PHF3: variants seen among roughly 807,000 people sequenced by gnomAD.
The protein encoded by PHF3 is PHD finger protein 3.
Under a neutral mutation model 178.4 loss-of-function variants are expected in PHF3, and 41 were observed. That is an observed-to-expected ratio of 0.23 (90% CI 0.18 to 0.30). The LOEUF (loss-of-function observed/expected upper bound fraction) is 0.30, where lower values mean the gene tolerates loss of function less well. PHF3 is among the 10% of genes least tolerant of loss of function. The probability of loss-of-function intolerance (pLI) is 1.00; values close to 1 mark genes in which losing one functional copy is unlikely to be tolerated. For synonymous variants in PHF3, 842 were observed against 800.5 expected (o/e 1.05, Z -0.88); for missense variants, 2,346 against 2,398.1 (o/e 0.98, Z 0.45).
At position 63,713,784 on chromosome 6, in the gene PHF3, C is replaced by CT; in HGVS notation, c.*77dup. 8.1e-7 allele frequency: 1 copy of CT among 1,241,000 alleles called. No individual in the cohort carries two copies. The highest frequency in any genetic ancestry group is 1.5e-5 in the African/African-American group (1 of 65,448). 76.9% of individuals were successfully genotyped at this position (1,241,000 alleles called of 1,614,324 possible). A position where few individuals can be genotyped will look rare whatever the true frequency, so the allele number is the denominator to read the frequency against. On this transcript the variant is annotated 3_prime_UTR_variant, in exon 16 of 16. Transcript: ENST00000262043. ...ATCTTGTAAACAAAAGAAAGATTGCCTGCTAGGATTGTGCCATCTTTAAAA... is the reference window on the plus strand; with the variant it reads ...ATCTTGTAAACAAAAGAAAGATTGCCTTGCTAGGATTGTGCCATCTTTAAAA...
At chr6:63,698,123 A>G in intron 6 of PHF3, 100 bp from the exon 7 acceptor site, 1 of 916,726 alleles carries the variant, frequency 1.1e-6, no homozygotes, top group Non-Finnish European at 1.6e-6. Context: ...CTTATTTCTA[A>G]ATAGTGACTT....
chr6:63,656,619 G>A (rs977834588), intron 2 of PHF3, among the ~76,000 whole-genome samples: 1 of 152,084 alleles, frequency 6.6e-6, no homozygotes, highest in Non-Finnish European at 1.5e-5. Context: ...TCATTTTCTA[G>A]GCATGTTATA....
At chr6:63,687,424 A>T (rs1766762238) in intron 4 of PHF3, among the ~76,000 whole-genome samples, 1 of 152,226 alleles carries the variant, frequency 6.6e-6, no homozygotes, top group Non-Finnish European at 1.5e-5. Context: ...TGTCTCCATA[A>T]ATAAATGAAC....
Position 63,721,475 on chromosome 6 carries a change from G to A in PHF3, c.*7767G>A, listed in dbSNP as rs766969858. 3.2e-6 allele frequency: 5 copies of A among 1,551,340 alleles called. No homozygotes were observed. Among genetic ancestry groups the A allele is most frequent in the African/African-American group, 2.7e-5 (2 of 73,000 alleles). ...TTAATTGTAATTCTTGATTATTTATGATAACTTGTCGGATACAGCCTTGAA... is the reference window on the plus strand; with the variant it reads ...TTAATTGTAATTCTTGATTATTTATAATAACTTGTCGGATACAGCCTTGAA... On this transcript the variant is annotated 3_prime_UTR_variant, in exon 16 of 16. Coordinates refer to ENST00000262043, the MANE Select transcript of PHF3 (RefSeq NM_001370348.2).
chr6:63,645,577 G>A (rs1346309884), intron 1 of PHF3, among the ~76,000 whole-genome samples: 1 of 152,108 alleles, frequency 6.6e-6, no homozygotes, highest in African/African-American at 2.4e-5. Flanking sequence ...AGGAGCCCAG[G>A]ATGTTATAGG....
chr6:63,702,666 A>G (rs1316917655), intron 10 of PHF3, 27 bp downstream of exon 10: 10 of 1,572,710 alleles, frequency 6.4e-6, no homozygotes, highest in Non-Finnish European at 8.6e-6. Flanking sequence ...CATGTTTTAT[A>G]GCTCAAAACA....
At position 63,702,812 on chromosome 6, in the gene PHF3, G is replaced by A. The variant is rs1767530605; in HGVS notation, c.3231+173G>A. Among the ~76,000 whole-genome samples the A allele has an allele frequency of 2.0e-5, 3 of 152,190 alleles. No individual in the cohort carries two copies. The South Asian group carries it at 6.2e-4, about 32-fold the overall frequency. ...AGTGTTGAGTAATGTCTCTCAAATT[G>A]CATTATAGGTACCTGTTGAACAGTT... On this transcript the variant is annotated intron_variant, in intron 10 of 15. Transcript: ENST00000262043.
chr6:63,702,660 T>G, intron 10 of PHF3, 21 bp downstream of exon 10: 2 of 1,589,162 alleles, frequency 1.3e-6, no homozygotes, highest in Non-Finnish European at 1.7e-6. Flanking sequence ...ATATGCCATG[T>G]TTTATAGCTC....
intron 1 of PHF3, among the ~76,000 whole-genome samples, chr6:63,638,649 C>A (rs534181434): frequency 5.5e-4 from 83 of 152,180 alleles, no homozygotes; most frequent in Non-Finnish European, 7.2e-4. Flanking sequence ...TTTTATTCAT[C>A]CACATTTCAA....
intron 2 of PHF3, among the ~76,000 whole-genome samples, chr6:63,664,623 T>C (rs1215950001): frequency 2.0e-5 from 3 of 152,172 alleles, no homozygotes; most frequent in Middle Eastern, 6.4e-3. Flanking sequence ...ATAAAATATT[T>C]ATACTTTTCA....
At chr6:63,664,929 T>C (rs1765618813) in intron 2 of PHF3, among the ~76,000 whole-genome samples, 2 of 152,108 alleles carry the variant, frequency 1.3e-5, no homozygotes, top group Non-Finnish European at 2.9e-5. Context: ...AGAAAAGCTT[T>C]TATTTTAGTT....
Position 63,646,802 on chromosome 6 carries a change from CTTACTT to C in PHF3, c.244+10_244+15del. On this transcript the variant is annotated splice_region_variant and intron_variant, in intron 2 of 15. Coordinates refer to ENST00000262043, the MANE Select transcript of PHF3 (RefSeq NM_001370348.2). ...CAGATGCCTTGTTCAACAGGTAATT[CTTACTT>C]TTTTTTTTTTTTTTTTTTTTAGTCT... 2 of 956,566 alleles carry C rather than the reference CTTACTT, an allele frequency of 2.1e-6. No individual in the cohort carries two copies. Among genetic ancestry groups the C allele is most frequent in the South Asian group, 3.7e-5 (1 of 27,110 alleles). The allele number at this position is 956,566 out of a possible 1,614,324, so 59.3% of individuals were successfully genotyped here. A position where few individuals can be genotyped will look rare whatever the true frequency, so the allele number is the denominator to read the frequency against.
chr6:63,646,356 C>T (rs1046991359), intron 1 of PHF3, among the ~76,000 whole-genome samples, 171 bp from the exon 2 acceptor site: 3 of 151,854 alleles, frequency 2.0e-5, no homozygotes, highest in Middle Eastern at 3.4e-3. Context: ...AAGATTCGTT[C>T]TACATTTCCA....
rs142252152 is a variant in PHF3, at chr6:63,702,688, A to T, written c.3231+49A>T. On this transcript the variant is annotated intron_variant, in intron 10 of 15. Coordinates refer to ENST00000262043, the MANE Select transcript of PHF3 (RefSeq NM_001370348.2). Reference sequence around the variant, plus strand: ...TATAGCTCAAAACATGAAGATTCAGAAAAGGTTTATTTGCCTAATGTTTTT... The same window carrying T: ...TATAGCTCAAAACATGAAGATTCAGTAAAGGTTTATTTGCCTAATGTTTTT... 898 of 1,534,322 alleles carry T rather than the reference A, an allele frequency of 5.9e-4. 7 individuals are homozygous for T. The African/African-American group carries it at 0.01, about 17-fold the overall frequency.
chr6:63,698,086 A>G (rs1240625897), intron 6 of PHF3, 137 bp from the exon 7 acceptor site: 3 of 643,128 alleles, frequency 4.7e-6, no homozygotes, highest in Non-Finnish European at 7.7e-6. Context: ...TGTCAGGAAT[A>G]TTTCAATATG....
rs578240017 is a variant in PHF3 at position 63,659,934 on chromosome 6, T to A, written c.244+13139T>A. Among the ~76,000 whole-genome samples, 5 of 152,306 alleles carry A rather than the reference T, an allele frequency of 3.3e-5. No homozygotes were observed. In the East Asian group the frequency reaches 9.6e-4, roughly 29 times the overall value. ...CATAGATTGCAATCATTCTAAATTT[T>A]TTTTGCCTTCAAGTACATAAGTTCT... is the stretch of plus-strand genomic sequence containing the variant. On this transcript the variant is annotated intron_variant, in intron 2 of 15. Transcript: ENST00000262043.
chr6:63,705,802 G>A lies in PHF3; in HGVS notation c.3368-227G>A, dbSNP rs184736372. On this transcript the variant is annotated intron_variant, in intron 11 of 15. Coordinates refer to ENST00000262043, the MANE Select transcript of PHF3 (RefSeq NM_001370348.2). The stretch of plus-strand genomic sequence containing the variant: ...GCATTTCAGATAAGCTTAGGTCCCT[G>A]TATATAGAAGAGGGCTGGCAGTGGG... Among the ~76,000 whole-genome samples, 5 of 152,282 alleles carry A rather than the reference G, an allele frequency of 3.3e-5. No individual in the cohort carries two copies. The East Asian group carries it at 9.7e-4, about 29-fold the overall frequency.
intron 1 of PHF3, among the ~76,000 whole-genome samples, chr6:63,642,135 T>C (rs1254800420): frequency 6.6e-6 from 1 of 152,194 alleles, no homozygotes; most frequent in East Asian, 1.9e-4. Flanking sequence ...TTTGACAAAT[T>C]AGTACCAATT....
Position 63,694,653 on chromosome 6 carries a change from C to G in PHF3, c.2569C>G (p.Arg857Gly). 6.3e-7 allele frequency: 1 copy of G among 1,592,156 alleles called. No individual in the cohort carries two copies. Among genetic ancestry groups the G allele is most frequent in the Non-Finnish European group, 8.6e-7 (1 of 1,168,142 alleles). Reference protein sequence around the residue: ...EIKKWQLAPLRKMGQPVLPRR... With the variant: ...EIKKWQLAPLGKMGQPVLPRR... Reference sequence around the variant, plus strand: ...TAAAAAATGGCAGCTAGCTCCTCTTCGTAAGATGGGACAACCAGTTTTACC... The same window carrying G: ...TAAAAAATGGCAGCTAGCTCCTCTTGGTAAGATGGGACAACCAGTTTTACC... The change falls in exon 6 of 16, where the codon CGT becomes GGT. Residue 857 changes from arginine to glycine, a missense_variant. Arg to Gly is a moderately radical substitution (Grantham distance 125, BLOSUM62 -2). This residue lies in a region of PHF3 where 252 missense variants were observed against 232.0 expected (regional missense o/e 1.09). Coordinates refer to ENST00000262043, the MANE Select transcript of PHF3 (RefSeq NM_001370348.2).
Sources: allele counts gnomAD v4.1 joint callset (sites outside exome capture counted in the v4.1 genomes callset), GRCh38; gene constraint gnomAD v4.1.1; regional missense constraint gnomAD v4.1.1; transcripts MANE v1.5; gene names NCBI Gene and HGNC (gene_info 2026-07-23, HGNC 2026-07-21).